Variants in CCDC40 observed in about 807,000 individuals in gnomAD.
CCDC40 encodes coiled-coil domain 40 molecular ruler complex subunit, also known as coiled-coil domain-containing protein 40.
In CCDC40, 104 loss-of-function variants were observed where a neutral mutation model predicts 124.5. The observed-to-expected ratio is 0.84, with a 90% confidence interval of 0.71 to 0.98. The LOEUF is 0.98. CCDC40 is among the 50% of genes least tolerant of loss of function. The pLI, the probability that CCDC40 is intolerant of heterozygous loss-of-function variation, is 0.00. For synonymous variants in CCDC40, 580 were observed against 602.9 expected (o/e 0.96, Z 0.56); for missense variants, 1,463 against 1,503.9 (o/e 0.97, Z 0.45).
rs765193858 is a variant in CCDC40 at position 80,081,892 on chromosome 17, CGGA to C, written c.1828_1830del (p.Glu610del). On this transcript the variant is annotated inframe_deletion, in exon 12 of 20. Transcript: ENST00000397545. ...TGTCTCCAGGAACAAATGATACTCA[CGGA>C]GGAGTTGCAGGCCATCCGCCAAGCC... is the stretch of plus-strand genomic sequence containing the variant. 2 of 1,614,088 alleles carry C rather than the reference CGGA, an allele frequency of 1.2e-6. No individual in the cohort carries two copies. Among genetic ancestry groups the C allele is most frequent in the East Asian group, 4.5e-5 (2 of 44,846 alleles).
chr17:80,041,507 C>CA (rs111597290), intron 3 of CCDC40, among the ~76,000 whole-genome samples: 40,252 of 133,986 alleles, frequency 0.3, 6,143 homozygotes, highest in African/African-American at 0.44. Flanking sequence ...GACTCTGTCT[C>CA]AAAAAAAAAA....
intron 19 of CCDC40, among the ~76,000 whole-genome samples, chr17:80,098,611 C>T (rs183296025): frequency 4.9e-4 from 75 of 152,298 alleles, no homozygotes; most frequent in African/African-American, 1.8e-3. Context: ...GGGGAACGTG[C>T]CTGGCACTGG....
At position 80,081,402 on chromosome 17, in the gene CCDC40, A is replaced by ATAAATAAATAAAT. The variant is rs2038444465; in HGVS notation, c.1563-133_1563-132insATTAAATAAATAA. On this transcript the variant is annotated intron_variant, in intron 10 of 19. Transcript: ENST00000397545. ...TCTGTCTCAAAAAATAAATAAATAAATAAATAAATAAGAGTTGGCTTCCTA... is the reference window on the plus strand; with the variant it reads ...TCTGTCTCAAAAAATAAATAAATAAATAAATAAATAAATTAAATAAATAAGAGTTGGCTTCCTA... The ATAAATAAATAAAT allele has an allele frequency of 8.7e-6, 5 of 573,462 alleles. 1 individual carries two copies. In the South Asian group the frequency reaches 1.3e-4, roughly 15 times the overall value. 35.5% of individuals were successfully genotyped at this position (573,462 alleles called of 1,614,324 possible). A position where few individuals can be genotyped will look rare whatever the true frequency, so the allele number is the denominator to read the frequency against.
In CCDC40 at chr17:80,066,281, T is replaced by C. The variant is rs2038045053; in HGVS notation, c.1562+675T>C. ...CATACAGCAAGCGCTCAAGAAAGGC[T>C]GGACCAAGGAATGAGGGTCTGGCTG... is the stretch of plus-strand genomic sequence containing the variant. On this transcript the variant is annotated intron_variant, in intron 10 of 19. Transcript: ENST00000397545. The surrounding 1 kb of genome is among the most constrained non-coding windows in gnomAD (Gnocchi z 4.4). 3 of 658,908 alleles carry C rather than the reference T, an allele frequency of 4.6e-6. No homozygotes were observed. The East Asian group carries it at 8.3e-5, about 18-fold the overall frequency. 40.8% of individuals were successfully genotyped at this position (658,908 alleles called of 1,614,324 possible).
At chr17:80,097,671 A>G in intron 19 of CCDC40, 2 of 500,886 alleles carry the variant, frequency 4.0e-6, no homozygotes, top group Non-Finnish European at 7.3e-6. Context: ...AAAAACAAAC[A>G]TTCCTGTGCT....
In CCDC40 at chr17:80,084,629, G is replaced by GT. The variant is rs1361696361; in HGVS notation, c.1990-111dup. On this transcript the variant is annotated intron_variant, in intron 12 of 19. Transcript: ENST00000397545. ...CAGCCTCCTGCACTCGTGACTGTGCGTTTGGAATATCTCCAGAGGAACATC... is the reference window on the plus strand; with the variant it reads ...CAGCCTCCTGCACTCGTGACTGTGCGTTTTGGAATATCTCCAGAGGAACATC... 6.1e-6 allele frequency: 8 copies of GT among 1,301,764 alleles called. No homozygotes were observed. In the East Asian group the frequency reaches 1.6e-4, roughly 27 times the overall value. The allele number at this position is 1,301,764 out of a possible 1,614,324, so 80.6% of individuals were successfully genotyped here.
At chr17:80,061,667 G>A (rs946468912) in intron 9 of CCDC40, among the ~76,000 whole-genome samples, 4 of 152,190 alleles carry the variant, frequency 2.6e-5, no homozygotes, top group African/African-American at 7.2e-5. Flanking sequence ...AGAACAGTGC[G>A]GGGGCAACAG....
At chr17:80,036,814 G>A in intron 1 of CCDC40, 123 bp downstream of exon 1, 1 of 901,738 alleles carries the variant, frequency 1.1e-6, no homozygotes, top group Non-Finnish European at 1.6e-6. Context: ...CCTTCCTCTC[G>A]CCTGTGTCCC....
chr17:80,063,385 G>A (rs2037953799), intron 9 of CCDC40, among the ~76,000 whole-genome samples: 1 of 152,132 alleles, frequency 6.6e-6, no homozygotes, highest in Admixed American at 6.6e-5. Context: ...AAAAACTGGG[G>A]TCTAAATGCA....
intron 10 of CCDC40, among the ~76,000 whole-genome samples, chr17:80,075,434 C>T (rs948066412): frequency 3.7e-4 from 56 of 152,256 alleles, no homozygotes; most frequent in Admixed American, 1.0e-3. Context: ...CCTGCCACTA[C>T]GCCCAACTAA....
At chr17:80,051,028 C>T (rs1275160917) in intron 7 of CCDC40, among the ~76,000 whole-genome samples, 1 of 152,182 alleles carries the variant, frequency 6.6e-6, no homozygotes, top group Non-Finnish European at 1.5e-5. Context: ...ACAGTGGGGG[C>T]TACAGCACGT....
At chr17:80,081,026 T>A (rs2038434156) in intron 10 of CCDC40, among the ~76,000 whole-genome samples, 1 of 152,208 alleles carries the variant, frequency 6.6e-6, no homozygotes, top group Non-Finnish European at 1.5e-5. Context: ...ATATCGCATG[T>A]ACCTCTCAAA....
intron 17 of CCDC40, 93 bp downstream of exon 17, chr17:80,089,977 G>A: frequency 6.4e-7 from 1 of 1,557,640 alleles, no homozygotes; most frequent in South Asian, 1.2e-5. Flanking sequence ...CTCTCCCGGG[G>A]CTCCTGTGGG....
At chr17:80,053,667 A>G (rs1440494809) in intron 7 of CCDC40, among the ~76,000 whole-genome samples, 1 of 152,142 alleles carries the variant, frequency 6.6e-6, no homozygotes, top group Non-Finnish European at 1.5e-5. Context: ...ATCTCAGCTC[A>G]CTGCAACCTC....
intron 17 of CCDC40, among the ~76,000 whole-genome samples, chr17:80,093,803 C>T (rs905696672): frequency 7.2e-5 from 11 of 152,106 alleles, no homozygotes; most frequent in Non-Finnish European, 8.8e-5. Context: ...CGTGAGCCAC[C>T]GCACCCGGCC....
At chr17:80,079,544 T>C (rs1476329639) in intron 10 of CCDC40, among the ~76,000 whole-genome samples, 1 of 152,156 alleles carries the variant, frequency 6.6e-6, no homozygotes, top group Non-Finnish European at 1.5e-5. Context: ...ATCATCCTCA[T>C]CGATCCATAA....
In CCDC40 at chr17:80,084,996, C is replaced by G. The variant is rs1338398077; in HGVS notation, c.2235+8C>G. The stretch of plus-strand genomic sequence containing the variant: ...ATGGTCTCCGAGCTGGGGGTGAGGT[C>G]CCAGGCAGGGAGACGTGGTCCCCGG... On this transcript the variant is annotated splice_region_variant and intron_variant, in intron 13 of 19. Coordinates refer to ENST00000397545, the MANE Select transcript of CCDC40 (RefSeq NM_017950.4). 1.2e-6 allele frequency: 2 copies of G among 1,613,078 alleles called. No individual in the cohort carries two copies. Among genetic ancestry groups the G allele is most frequent in the Non-Finnish European group, 1.7e-6 (2 of 1,179,990 alleles).
rs908646628 is a variant in CCDC40 at position 80,065,217 on chromosome 17, C to T, written c.1441-268C>T. Among the ~76,000 whole-genome samples, 6 of 120,756 alleles carry T rather than the reference C, an allele frequency of 5.0e-5. 1 individual carries two copies. The highest frequency in any genetic ancestry group is 8.8e-5 in the Non-Finnish European group (5 of 56,982). 79.2% of individuals were successfully genotyped at this position (120,756 alleles called of 152,430 possible). A position where few individuals can be genotyped will look rare whatever the true frequency, so the allele number is the denominator to read the frequency against. On this transcript the variant is annotated intron_variant, in intron 9 of 19. Coordinates refer to ENST00000397545, the MANE Select transcript of CCDC40 (RefSeq NM_017950.4). ...CTTCATCTTCCCCCTCCTCCCTCCC[C>T]CTTCCTCCCTCTCCTCCCTTCCCTC...
At chr17:80,037,834 A>T in intron 1 of CCDC40, 1 of 353,306 alleles carries the variant, frequency 2.8e-6, no homozygotes, top group Non-Finnish European at 5.5e-6. Context: ...GACACAAGTT[A>T]TATTTGAGGT....
Sources: gnomAD v4.1 joint callset for allele counts (sites outside exome capture counted in the v4.1 genomes callset) on GRCh38, gnomAD v4.1.1 for gene constraint, Gnocchi (gnomAD v3.1) non-coding constraint, MANE v1.5 for transcripts, NCBI Gene and HGNC (gene_info 2026-07-23, HGNC 2026-07-21) for gene names.